LMBRD1: variants seen among roughly 807,000 people sequenced by gnomAD.
LMBRD1 encodes the protein LMBR1 domain containing 1, also known as lysosomal cobalamin transport escort protein LMBD1.
LMBRD1 carries 64 observed loss-of-function variants against 74.8 expected under a neutral mutation model. That is an observed-to-expected ratio of 0.86 (90% CI 0.70 to 1.05). The LOEUF (loss-of-function observed/expected upper bound fraction) is 1.05, where lower values mean the gene tolerates loss of function less well. Ranked by LOEUF, LMBRD1 falls within the 50% of genes least tolerant of loss-of-function variation. The probability of loss-of-function intolerance (pLI) is 0.00; values close to 1 mark genes in which losing one functional copy is unlikely to be tolerated. For missense variants in LMBRD1, 652 were observed against 645.9 expected (o/e 1.01, Z -0.10); for synonymous variants, 204 against 216.3 (o/e 0.94, Z 0.50).
In LMBRD1 at chr6:69,700,872, G is replaced by T; in HGVS notation, c.1084-3C>A. On this transcript the variant is annotated splice_polypyrimidine_tract_variant and splice_region_variant and intron_variant, in intron 11 of 15. Coordinates refer to ENST00000649934, the MANE Select transcript of LMBRD1 (RefSeq NM_018368.4). ...AGAATATAATCAAGAGGGAAAACCT[G>T]AAAAAAAAAGATGAAATTAAATTTA... 6 of 1,308,176 alleles carry T rather than the reference G, an allele frequency of 4.6e-6. No individual in the cohort carries two copies. Among genetic ancestry groups the T allele is most frequent in the Non-Finnish European group, 6.3e-6 (6 of 956,864 alleles). 81.0% of individuals were successfully genotyped at this position (1,308,176 alleles called of 1,614,324 possible).
chr6:69,682,607 A>G lies in LMBRD1; in HGVS notation c.1418-6066T>C, dbSNP rs143851957. On this transcript the variant is annotated intron_variant, in intron 14 of 15. Transcript: ENST00000649934. ...TAGAAATGGTATAATCACAATCTGT[A>G]TAAGTGAACTCTAAATTACTGAGAC... Among the ~76,000 whole-genome samples the G allele has an allele frequency of 3.9e-5, 6 of 152,166 alleles. No individual in the cohort carries two copies. In the East Asian group the frequency reaches 9.6e-4, roughly 24 times the overall value.
intron 3 of LMBRD1, among the ~76,000 whole-genome samples, chr6:69,772,636 T>A (rs1765599176): frequency 6.6e-6 from 1 of 152,108 alleles, no homozygotes. Context: ...AAGAATACTT[T>A]CTTTTAAAAA....
At chr6:69,777,654 A>G (rs1765733499) in intron 3 of LMBRD1, among the ~76,000 whole-genome samples, 1 of 150,872 alleles carries the variant, frequency 6.6e-6, no homozygotes. Context: ...CCACATCAAT[A>G]TCTTCATCTG....
chr6:69,725,343 A>T (rs1766706485), intron 7 of LMBRD1, among the ~76,000 whole-genome samples: 3 of 5,316 alleles, frequency 5.6e-4, no homozygotes, highest in Admixed American at 4.1e-3. Context: ...CAATCTTCAC[A>T]CACACACACA....
At chr6:69,723,897 A>G (rs910050077) in intron 7 of LMBRD1, among the ~76,000 whole-genome samples, 7 of 151,892 alleles carry the variant, frequency 4.6e-5, no homozygotes, top group Non-Finnish European at 1.0e-4. Flanking sequence ...AAAAAGAAAA[A>G]ATTGACAAAC....
chr6:69,765,026 T>C (rs903627859), intron 3 of LMBRD1, among the ~76,000 whole-genome samples: 5 of 151,698 alleles, frequency 3.3e-5, no homozygotes, highest in African/African-American at 1.2e-4. Context: ...GCCTCCTGGG[T>C]TCAAGAGATT....
chr6:69,760,993 C>T (rs1765361330), intron 3 of LMBRD1, among the ~76,000 whole-genome samples: 2 of 152,138 alleles, frequency 1.3e-5, no homozygotes, highest in African/African-American at 4.8e-5. Context: ...ACAAGAGAAC[C>T]TGACCGAGCA....
intron 9 of LMBRD1, among the ~76,000 whole-genome samples, chr6:69,710,753 A>C (rs1223836033): frequency 6.6e-6 from 1 of 152,204 alleles, no homozygotes; most frequent in African/African-American, 2.4e-5. Flanking sequence ...ATGAAATGCA[A>C]AGCAAAACTG....
At position 69,796,390 on chromosome 6, in the gene LMBRD1, C is replaced by T. The variant is rs947419573; in HGVS notation, c.69+423G>A. On this transcript the variant is annotated intron_variant, in intron 1 of 15. Transcript: ENST00000649934. ...GGGAAAAAACATACAGAGAAGGTGACAAGTAAACAACGCCAGCGCCTACTT... is the reference window on the plus strand; with the variant it reads ...GGGAAAAAACATACAGAGAAGGTGATAAGTAAACAACGCCAGCGCCTACTT... Among the ~76,000 whole-genome samples the T allele has an allele frequency of 2.6e-5, 4 of 152,230 alleles. No homozygotes were observed. The East Asian group carries it at 7.7e-4, about 29-fold the overall frequency.
chr6:69,709,604 A>G (rs1434538558), intron 9 of LMBRD1, among the ~76,000 whole-genome samples: 1 of 152,208 alleles, frequency 6.6e-6, no homozygotes, highest in African/African-American at 2.4e-5. Context: ...TACAAATCTT[A>G]TAAGGAAGAA....
intron 14 of LMBRD1, among the ~76,000 whole-genome samples, chr6:69,688,001 T>C (rs180824524): frequency 6.6e-6 from 1 of 152,230 alleles, no homozygotes; most frequent in Non-Finnish European, 1.5e-5. Context: ...TAGTCCATAT[T>C]CAAACCTGCT....
chr6:69,731,084 T>G (rs1348848680), intron 7 of LMBRD1, among the ~76,000 whole-genome samples: 2 of 152,100 alleles, frequency 1.3e-5, no homozygotes, highest in African/African-American at 4.8e-5. Flanking sequence ...GTGAAACTTG[T>G]CTTTCTGAGT....
intron 14 of LMBRD1, among the ~76,000 whole-genome samples, chr6:69,683,728 C>G (rs1425850689): frequency 6.6e-6 from 1 of 152,006 alleles, no homozygotes; most frequent in African/African-American, 2.4e-5. Context: ...TGTTTCTTAT[C>G]CTTCTCAGGA....
chr6:69,735,421 T>G (rs1766954148), intron 7 of LMBRD1, among the ~76,000 whole-genome samples: 1 of 145,136 alleles, frequency 6.9e-6, no homozygotes, highest in Non-Finnish European at 1.5e-5. Context: ...TTTTTTCACA[T>G]CAACATTATA....
At chr6:69,679,698 G>A (rs568652517) in intron 14 of LMBRD1, among the ~76,000 whole-genome samples, 9 of 152,168 alleles carry the variant, frequency 5.9e-5, no homozygotes, top group Non-Finnish European at 1.2e-4. Context: ...CCCAGGCTCC[G>A]GACTCTGACA....
chr6:69,728,566 C>T (rs1766785646), intron 7 of LMBRD1, among the ~76,000 whole-genome samples: 1 of 152,156 alleles, frequency 6.6e-6, no homozygotes, highest in Admixed American at 6.5e-5. Context: ...GCACTAACTG[C>T]AGTACTCGAT....
intron 9 of LMBRD1, chr6:69,705,783 T>A: frequency 8.5e-7 from 1 of 1,178,396 alleles, no homozygotes; most frequent in Non-Finnish European, 1.2e-6. Context: ...CTCCTCTTCA[T>A]CTACTGACTG....
chr6:69,795,873 G>A (rs988237370), intron 1 of LMBRD1, among the ~76,000 whole-genome samples: 1 of 152,160 alleles, frequency 6.6e-6, no homozygotes, highest in African/African-American at 2.4e-5. Flanking sequence ...GACAATTAAA[G>A]TAAAACCAAA....
intron 3 of LMBRD1, among the ~76,000 whole-genome samples, chr6:69,752,569 A>G (rs1765182267): frequency 6.6e-6 from 1 of 152,178 alleles, no homozygotes; most frequent in African/African-American, 2.4e-5. Flanking sequence ...AACAACCCAT[A>G]ATTCAAGTTA....
Sources: gnomAD v4.1 joint callset for allele counts (sites outside exome capture counted in the v4.1 genomes callset) on GRCh38, gnomAD v4.1.1 for gene constraint, MANE v1.5 for transcripts, NCBI Gene and HGNC (gene_info 2026-07-23, HGNC 2026-07-21) for gene names.